Variants in PACRG observed in about 807,000 individuals in gnomAD.
The protein encoded by PACRG is parkin coregulated gene protein.
A neutral mutation model predicts 29.7 loss-of-function variants in PACRG; 29 were observed. The ratio of observed to expected loss-of-function variants is 0.98; its 90% CI spans 0.73 to 1.33. The LOEUF (loss-of-function observed/expected upper bound fraction) is 1.33, where lower values mean the gene tolerates loss of function less well. PACRG is among the 40% of genes most tolerant of loss of function. The pLI, the probability that PACRG is intolerant of heterozygous loss-of-function variation, is 0.00. For synonymous variants in PACRG, 116 were observed against 118.7 expected, an observed-to-expected ratio of 0.98 and a Z score of 0.15; for missense variants, 279 against 316.2, an observed-to-expected ratio of 0.88 and a Z score of 0.89.
intron 2 of PACRG, among the ~76,000 whole-genome samples, chr6:162,975,579 A>G (rs889161275): frequency 6.6e-6 from 1 of 152,128 alleles, no homozygotes; most frequent in Non-Finnish European, 1.5e-5. Flanking sequence ...TCTCTCTACA[A>G]CACTTTTCAC....
chr6:162,977,604 A>T (rs773731855), intron 2 of PACRG, among the ~76,000 whole-genome samples: 1 of 151,996 alleles, frequency 6.6e-6, no homozygotes. Context: ...TAATTAGAGG[A>T]TTAATTTGTG....
intron 4 of PACRG, among the ~76,000 whole-genome samples, chr6:163,171,616 A>G (rs373769380): frequency 6.6e-6 from 1 of 152,240 alleles, no homozygotes. Flanking sequence ...TTCAAAATTA[A>G]TCTAGAGATA....
intron 1 of PACRG, among the ~76,000 whole-genome samples, chr6:162,748,660 A>T (rs907920347): frequency 6.6e-6 from 1 of 152,182 alleles, no homozygotes; most frequent in Admixed American, 6.5e-5. Context: ...GGTAAAGTAT[A>T]GAAAATGGCT....
At chr6:162,822,263 T>G (rs962897861) in intron 2 of PACRG, among the ~76,000 whole-genome samples, 7 of 152,232 alleles carry the variant, frequency 4.6e-5, no homozygotes, top group Admixed American at 3.9e-4. Flanking sequence ...CCAAACATGT[T>G]TCTATGCAAA....
At position 163,197,787 on chromosome 6, in the gene PACRG, C is replaced by A. The variant is rs1042791779; in HGVS notation, c.613+108379C>A. On this transcript the variant is annotated intron_variant, in intron 4 of 4. Coordinates refer to ENST00000366888, the MANE Select transcript of PACRG (RefSeq NM_001080379.2). The stretch of plus-strand genomic sequence containing the variant: ...CTTATGTTAAATGTTCTCTCTTTAC[C>A]TTCCATTTTAAGGGAATTGACAAGG... 3.9e-5 allele frequency among the ~76,000 whole-genome samples: 6 copies of A among 152,024 alleles called. No individual in the cohort carries two copies. The East Asian group carries it at 7.7e-4, about 20-fold the overall frequency.
At position 162,986,926 on chromosome 6, in the gene PACRG, T is replaced by A. The variant is rs13200815; in HGVS notation, c.292-75224T>A. Among the ~76,000 whole-genome samples the A allele has an allele frequency of 6.8e-3, 1,016 of 150,342 alleles. 8 individuals carry two copies. Among genetic ancestry groups the A allele is most frequent in the Non-Finnish European group, 0.01 (693 of 67,954 alleles). ...TGGATAATTTTTCATTCTTATCCTG[T>A]ATTTTTTTTCAATTTTTTAAAGTTG... On this transcript the variant is annotated intron_variant, in intron 2 of 4. Coordinates refer to ENST00000366888, the MANE Select transcript of PACRG (RefSeq NM_001080379.2).
intron 4 of PACRG, among the ~76,000 whole-genome samples, chr6:163,117,874 G>A (rs868058406): frequency 1.3e-5 from 2 of 152,250 alleles, no homozygotes; most frequent in Non-Finnish European, 1.5e-5. Flanking sequence ...ATGTGACAAT[G>A]TGTTGATGTT....
chr6:163,246,588 C>A (rs1195877682), intron 4 of PACRG, among the ~76,000 whole-genome samples: 1 of 152,172 alleles, frequency 6.6e-6, no homozygotes, highest in Non-Finnish European at 1.5e-5. Context: ...CATGTGAGAA[C>A]AGGGGCTCTG....
chr6:162,745,898 A>C (rs1470166384), intron 1 of PACRG, among the ~76,000 whole-genome samples: 3 of 152,180 alleles, frequency 2.0e-5, no homozygotes, highest in Admixed American at 6.5e-5. Context: ...TCTTTTTCAA[A>C]GTTACTGTCA....
At chr6:162,963,353 G>A (rs568245876) in intron 2 of PACRG, among the ~76,000 whole-genome samples, 10 of 152,150 alleles carry the variant, frequency 6.6e-5, no homozygotes, top group African/African-American at 2.2e-4. Flanking sequence ...CTAATCTCTT[G>A]TTATGTGATG....
chr6:163,053,460 T>C (rs952278708), intron 2 of PACRG, among the ~76,000 whole-genome samples: 2 of 152,186 alleles, frequency 1.3e-5, no homozygotes, highest in African/African-American at 4.8e-5. Flanking sequence ...ACAGAACTGT[T>C]GCCAGAGTTT....
chr6:162,906,809 C>A (rs1184477775), intron 2 of PACRG, among the ~76,000 whole-genome samples: 3 of 152,146 alleles, frequency 2.0e-5, no homozygotes, highest in Admixed American at 6.5e-5. Context: ...AATCTCTGTA[C>A]CTCACAGAAA....
At chr6:163,032,204 A>C (rs747660168) in intron 2 of PACRG, among the ~76,000 whole-genome samples, 3 of 152,248 alleles carry the variant, frequency 2.0e-5, no homozygotes, top group Non-Finnish European at 4.4e-5. Flanking sequence ...TTGACTCTGA[A>C]AAGCAAAACA....
chr6:163,094,740 G>A (rs1814417659), intron 4 of PACRG, among the ~76,000 whole-genome samples: 1 of 152,176 alleles, frequency 6.6e-6, no homozygotes, highest in African/African-American at 2.4e-5. Flanking sequence ...TGTCCAAGCA[G>A]CCTCACTACT....
chr6:163,272,007 GTTTTC>G (rs1390176210), intron 4 of PACRG, among the ~76,000 whole-genome samples: 17 of 147,604 alleles, frequency 1.2e-4, no homozygotes, highest in Admixed American at 8.8e-4. Flanking sequence ...CTGTGTATTT[GTTTTC>G]TTTTCTTTTC....
At chr6:163,303,574 A>G (rs1306424836) in intron 4 of PACRG, among the ~76,000 whole-genome samples, 1 of 152,172 alleles carries the variant, frequency 6.6e-6, no homozygotes, top group Non-Finnish European at 1.5e-5. Flanking sequence ...TTCCAATCAA[A>G]ATCATCTATT....
At chr6:163,249,750 G>A (rs565725012) in intron 4 of PACRG, among the ~76,000 whole-genome samples, 10 of 152,364 alleles carry the variant, frequency 6.6e-5, no homozygotes, top group African/African-American at 2.4e-4. Flanking sequence ...TTGCTTGGAT[G>A]ACAGGGCACC....
At chr6:163,066,708 A>G (rs1266185424) in intron 3 of PACRG, among the ~76,000 whole-genome samples, 1 of 152,244 alleles carries the variant, frequency 6.6e-6, no homozygotes, top group Non-Finnish European at 1.5e-5. Context: ...GAAGAATGTA[A>G]CATCCAATAG....
chr6:163,160,061 T>A (rs1778494298), intron 4 of PACRG, among the ~76,000 whole-genome samples: 1 of 152,218 alleles, frequency 6.6e-6, no homozygotes, highest in Non-Finnish European at 1.5e-5. Context: ...CGCTGTGTGT[T>A]GGGAATCACT....
Sources: allele counts gnomAD v4.1 joint callset (sites outside exome capture counted in the v4.1 genomes callset), GRCh38; gene constraint gnomAD v4.1.1; transcripts MANE v1.5; gene names NCBI Gene and HGNC (gene_info 2026-07-23, HGNC 2026-07-21).